PREX1: variants seen among roughly 807,000 people sequenced by gnomAD.
PREX1 encodes the protein phosphatidylinositol-3,4,5-trisphosphate dependent Rac exchange factor 1.
In PREX1, 41 loss-of-function variants were observed where a neutral mutation model predicts 198.3. The ratio of observed to expected loss-of-function variants is 0.21; its 90% CI spans 0.16 to 0.27. The LOEUF (loss-of-function observed/expected upper bound fraction) is 0.27, where lower values mean the gene tolerates loss of function less well. Ranked by LOEUF, PREX1 falls within the 10% of genes least tolerant of loss-of-function variation. The pLI is 1.00. For synonymous variants in PREX1, 843 were observed against 887.2 expected, an observed-to-expected ratio of 0.95 and a Z score of 0.89; for missense variants, 1,620 against 2,200.7, an observed-to-expected ratio of 0.74 and a Z score of 5.28.
At chr20:48,746,628 G>A (rs1009530473) in intron 2 of PREX1, among the ~76,000 whole-genome samples, 3 of 152,150 alleles carry the variant, frequency 2.0e-5, no homozygotes, top group African/African-American at 7.2e-5. Context: ...CCCAGAGTGG[G>A]CAGTTGGGGC....
chr20:48,662,609 TA>T (rs1391276764), intron 15 of PREX1, among the ~76,000 whole-genome samples: 3 of 152,198 alleles, frequency 2.0e-5, no homozygotes, highest in African/African-American at 7.2e-5. Context: ...TGGTCAGCCC[TA>T]AGGTGGGAAT....
At position 48,690,929 on chromosome 20, in the gene PREX1, C is replaced by T; in HGVS notation, c.1186+18G>A. ...TAGCTCAGGGATCCCAGGCGAGCAC[C>T]CCAAAGCTGCTGCTCACTCTCGCGC... On this transcript the variant is annotated intron_variant, in intron 9 of 39. Coordinates refer to ENST00000371941, the MANE Select transcript of PREX1 (RefSeq NM_020820.4). 6.2e-7 allele frequency: 1 copy of T among 1,613,264 alleles called. No homozygotes were observed. The highest frequency in any genetic ancestry group is 1.1e-5 in the South Asian group (1 of 91,026).
chr20:48,702,010 A>T (rs1406147764), intron 6 of PREX1, among the ~76,000 whole-genome samples: 2 of 152,130 alleles, frequency 1.3e-5, no homozygotes, highest in East Asian at 3.9e-4. Context: ...CAGAAGTTCA[A>T]GACCAGCCTG....
At chr20:48,705,025 T>G (rs1050397882) in intron 6 of PREX1, among the ~76,000 whole-genome samples, 1 of 152,180 alleles carries the variant, frequency 6.6e-6, no homozygotes, top group African/African-American at 2.4e-5. Context: ...AATAAATAAA[T>G]AAAGAGATCC....
At chr20:48,846,662 T>C in the PREX1 span, among the ~76,000 whole-genome samples, 2 of 152,096 alleles carry the variant, frequency 1.3e-5, no homozygotes, top group Non-Finnish European at 2.9e-5. Flanking sequence ...AAAACTTCTA[T>C]TGTGTTGCTG....
In PREX1 at chr20:48,632,631, CGTT is replaced by C; in HGVS notation, c.4273_4275del (p.Asn1425del). ...CGGCTGCCCTCAATGTGGTAGAAGA[CGTT>C]GGTGTCTGCGGAAGGATATGGGGCA... On this transcript the variant is annotated inframe_deletion, in exon 34 of 40. Transcript: ENST00000371941. 6.2e-7 allele frequency: 1 copy of C among 1,613,774 alleles called. No individual in the cohort carries two copies. Among genetic ancestry groups the C allele is most frequent in the East Asian group, 2.2e-5 (1 of 44,858 alleles).
At chr20:48,783,204 G>T (rs1034681281) in intron 1 of PREX1, among the ~76,000 whole-genome samples, 2 of 152,196 alleles carry the variant, frequency 1.3e-5, no homozygotes, top group East Asian at 3.8e-4. Context: ...AAGAGGAAAT[G>T]TCTGTTAGAT....
chr20:48,641,425 ATTT>A (rs1425759246), intron 29 of PREX1, among the ~76,000 whole-genome samples: 2 of 152,274 alleles, frequency 1.3e-5, no homozygotes, highest in East Asian at 3.9e-4. Context: ...TCAAAATTAA[ATTT>A]TTTAAGAGTG....
intron 1 of PREX1, among the ~76,000 whole-genome samples, chr20:48,750,326 C>A (rs1228165459): frequency 6.6e-6 from 1 of 152,204 alleles, no homozygotes; most frequent in Non-Finnish European, 1.5e-5. Context: ...TCTCTACACA[C>A]ACAGCCAGGG....
intron 25 of PREX1, among the ~76,000 whole-genome samples, chr20:48,647,768 T>G (rs1350529155): frequency 1.3e-5 from 2 of 152,140 alleles, no homozygotes; most frequent in Non-Finnish European, 2.9e-5. Context: ...TTTTTTTCCC[T>G]TATCATGGAA....
At chr20:48,782,704 TG>T (rs969066009) in intron 1 of PREX1, among the ~76,000 whole-genome samples, 1 of 152,042 alleles carries the variant, frequency 6.6e-6, no homozygotes, top group Non-Finnish European at 1.5e-5. Flanking sequence ...GGGGCAGATC[TG>T]GGGAAAGGAC....
intron 1 of PREX1, among the ~76,000 whole-genome samples, chr20:48,775,919 G>A (rs1032024852): frequency 1.3e-5 from 2 of 151,920 alleles, no homozygotes; most frequent in East Asian, 1.9e-4. Context: ...TAATACAGGC[G>A]GTTTTGGAAA....
At chr20:48,678,469 CA>C (rs757110072) in intron 13 of PREX1, among the ~76,000 whole-genome samples, 129 of 116,990 alleles carry the variant, frequency 1.1e-3, no homozygotes, top group East Asian at 1.2e-3. Flanking sequence ...GACCCTGTCT[CA>C]AAAAAAAAAA....
intron 33 of PREX1, 149 bp from the exon 34 acceptor site, chr20:48,632,788 G>A (rs1013840695): frequency 8.6e-6 from 7 of 817,938 alleles, no homozygotes; most frequent in Admixed American, 2.7e-5. Context: ...CTCTACAGGG[G>A]TAGCCTCAGA....
chr20:48,694,878 G>C (rs2089837495), intron 7 of PREX1, among the ~76,000 whole-genome samples: 1 of 152,198 alleles, frequency 6.6e-6, no homozygotes, highest in African/African-American at 2.4e-5. Context: ...GTGTCTGCCG[G>C]TGGAGAAGGG....
At chr20:48,751,058 G>A (rs2090132021) in intron 1 of PREX1, among the ~76,000 whole-genome samples, 1 of 152,210 alleles carries the variant, frequency 6.6e-6, no homozygotes, top group Non-Finnish European at 1.5e-5. Context: ...ACGTCTTCAG[G>A]GCCAAATGTA....
chr20:48,829,410 T>C (rs1290718958), upstream of PREX1, among the ~76,000 whole-genome samples: 1 of 152,204 alleles, frequency 6.6e-6, no homozygotes. Flanking sequence ...TTTCCTCCCA[T>C]TGGCCTCTCA....
rs1363682430 is a variant in PREX1 at position 48,657,185 on chromosome 20, C to T, written c.1978G>A (p.Ala660Thr). The T allele has an allele frequency of 6.2e-7, 1 of 1,613,604 alleles. No individual in the cohort carries two copies. Among genetic ancestry groups the T allele is most frequent in the African/African-American group, 1.3e-5 (1 of 74,894 alleles). The change falls in exon 18 of 40, where the codon GCT (alanine) becomes ACT (threonine). Residue 660 changes from alanine (A) to threonine (T), a missense_variant. Coordinates refer to ENST00000371941, the MANE Select transcript of PREX1 (RefSeq NM_020820.4). ...ATCTTCCTCCCCACCTGCAGGCCAG[C>T]CACCTGGGTAGGGACGGCAGAGGAC... Reference protein sequence around the residue: ...SVQRGSLAEVAGLQVGRKIYS... With the variant: ...SVQRGSLAEVTGLQVGRKIYS...
chr20:48,839,293 C>G, the PREX1 span, among the ~76,000 whole-genome samples: 4 of 151,994 alleles, frequency 2.6e-5, no homozygotes, highest in Non-Finnish European at 5.9e-5. Flanking sequence ...TTATTTTTGC[C>G]TCTGTCACCC....
Sources: allele counts gnomAD v4.1 joint callset (sites outside exome capture counted in the v4.1 genomes callset), GRCh38; gene constraint gnomAD v4.1.1; transcripts MANE v1.5; gene names NCBI Gene and HGNC (gene_info 2026-07-23, HGNC 2026-07-21).